Variants in DACH1 observed in about 807,000 individuals in gnomAD.
DACH1 encodes the protein dachshund homolog 1.
Under a neutral mutation model 54.2 loss-of-function variants are expected in DACH1, and 12 were observed. The observed-to-expected ratio is 0.22, with a 90% CI of 0.14 to 0.36. The LOEUF is 0.36. Ranked by LOEUF, DACH1 falls within the 10% of genes least tolerant of loss-of-function variation. The pLI, the probability that DACH1 is intolerant of heterozygous loss-of-function variation, is 1.00. For missense variants in DACH1, 805 were observed against 929.8 expected, an observed-to-expected ratio of 0.87 and a Z score of 1.75; for synonymous variants, 386 against 366.2, an observed-to-expected ratio of 1.05 and a Z score of -0.62.
intron 1 of DACH1, among the ~76,000 whole-genome samples, chr13:71,762,413 G>A (rs1885436190): frequency 6.6e-6 from 1 of 152,072 alleles, no homozygotes; most frequent in African/African-American, 2.4e-5. Flanking sequence ...TCACATATGA[G>A]TAAGTGATAT....
At chr13:71,573,561 C>T (rs753139227) in intron 3 of DACH1, 5 of 583,982 alleles carry the variant, frequency 8.6e-6, no homozygotes, top group South Asian at 4.4e-5. Flanking sequence ...ATCCCAGGAA[C>T]CATCACTGCT....
intron 1 of DACH1, among the ~76,000 whole-genome samples, chr13:71,690,736 A>T (rs1203675265): frequency 6.6e-6 from 1 of 152,140 alleles, no homozygotes; most frequent in Non-Finnish European, 1.5e-5. Context: ...GTTCAAGACC[A>T]GCCTGGACAA....
At chr13:71,780,758 A>C (rs1886336545) in intron 1 of DACH1, among the ~76,000 whole-genome samples, 1 of 152,136 alleles carries the variant, frequency 6.6e-6, no homozygotes, top group African/African-American at 2.4e-5. Flanking sequence ...TAAAAGTGAA[A>C]TCACTTTCTT....
chr13:71,611,448 T>C (rs1352815461), intron 3 of DACH1, among the ~76,000 whole-genome samples: 1 of 152,236 alleles, frequency 6.6e-6, no homozygotes, highest in Non-Finnish European at 1.5e-5. Context: ...TTAGTATTAA[T>C]AGCGGAATAG....
chr13:71,471,308 C>T, intron 10 of DACH1, among the ~76,000 whole-genome samples: 1 of 151,480 alleles, frequency 6.6e-6, no homozygotes, highest in East Asian at 1.9e-4. Flanking sequence ...GAAAGGCAGG[C>T]TTGGGGAGAG....
intron 6 of DACH1, among the ~76,000 whole-genome samples, chr13:71,498,999 T>C (rs1879676246): frequency 6.6e-6 from 1 of 152,048 alleles, no homozygotes; most frequent in Non-Finnish European, 1.5e-5. Flanking sequence ...GAGACAAAAC[T>C]TGAGAACTCG....
intron 2 of DACH1, among the ~76,000 whole-genome samples, chr13:71,661,013 A>C (rs569082265): frequency 6.7e-6 from 1 of 149,674 alleles, no homozygotes; most frequent in Non-Finnish European, 1.5e-5. Context: ...ACATTGTTAT[A>C]GAAAAAGATT....
At chr13:71,605,044 T>A (rs909462520) in intron 3 of DACH1, among the ~76,000 whole-genome samples, 5 of 152,074 alleles carry the variant, frequency 3.3e-5, no homozygotes, top group East Asian at 3.9e-4. Flanking sequence ...AAAATCACTA[T>A]AGATGCAGTT....
chr13:71,740,323 A>C (rs185301978), intron 1 of DACH1, among the ~76,000 whole-genome samples: 17 of 152,288 alleles, frequency 1.1e-4, no homozygotes, highest in East Asian at 3.9e-4. Context: ...CAAAACAAAA[A>C]AAAAATTACA....
chr13:71,759,910 G>A (rs970485667), intron 1 of DACH1, among the ~76,000 whole-genome samples: 2 of 152,058 alleles, frequency 1.3e-5, no homozygotes, highest in African/African-American at 2.4e-5. Context: ...GAAGAAATGG[G>A]GAAAAAATGA....
chr13:71,640,183 T>G (rs1338197877), intron 2 of DACH1, among the ~76,000 whole-genome samples: 1 of 152,032 alleles, frequency 6.6e-6, no homozygotes, highest in African/African-American at 2.4e-5. Context: ...CTATGGAGTC[T>G]TTGAAACAGA....
At chr13:71,790,552 A>T (rs1244419057) in intron 1 of DACH1, among the ~76,000 whole-genome samples, 2 of 152,202 alleles carry the variant, frequency 1.3e-5, no homozygotes, top group Non-Finnish European at 2.9e-5. Context: ...TTCTAAAATT[A>T]TGTGATATAC....
rs1449445312 is a variant in DACH1, at chr13:71,475,204, G to A, written c.2020C>T (p.Leu674=). The change falls in exon 10 of 11, where the codon CTG becomes TTG. Residue 674 remains leucine, a synonymous_variant. Transcript: ENST00000613252. ...TDSLRVLNDS[L]TPEIEADRSG... The stretch of plus-strand genomic sequence containing the variant: ...CGGTCAGCCTCTATCTCTGGGGTCA[G>A]AGAGTCTAAAAGCACAGAAAGGTAA... The A allele has an allele frequency of 6.2e-7, 1 of 1,613,650 alleles. No individual in the cohort carries two copies. Among genetic ancestry groups the A allele is most frequent in the East Asian group, 2.2e-5 (1 of 44,870 alleles).
chr13:71,695,809 T>C (rs761080791), intron 1 of DACH1, among the ~76,000 whole-genome samples: 1 of 152,212 alleles, frequency 6.6e-6, no homozygotes, highest in Non-Finnish European at 1.5e-5. Context: ...CAAATTGTGT[T>C]TGTTCAGTAG....
At chr13:71,834,505 A>G (rs1399516845) in intron 1 of DACH1, among the ~76,000 whole-genome samples, 1 of 152,048 alleles carries the variant, frequency 6.6e-6, no homozygotes, top group Non-Finnish European at 1.5e-5. Context: ...ATTATGGGAC[A>G]TTATTTCTGG....
intron 4 of DACH1, among the ~76,000 whole-genome samples, chr13:71,560,532 G>A (rs1884519040): frequency 1.3e-5 from 2 of 152,028 alleles, no homozygotes; most frequent in African/African-American, 4.8e-5. Context: ...AATTCTCAGA[G>A]TACCTACCAC....
At chr13:71,644,984 A>G (rs977712820) in intron 2 of DACH1, among the ~76,000 whole-genome samples, 1 of 152,236 alleles carries the variant, frequency 6.6e-6, no homozygotes, top group Non-Finnish European at 1.5e-5. Flanking sequence ...AATGGAAAAA[A>G]AAAATCAAGT....
chr13:71,803,962 T>C (rs140295418), intron 1 of DACH1, among the ~76,000 whole-genome samples: 13 of 152,310 alleles, frequency 8.5e-5, no homozygotes, highest in African/African-American at 3.1e-4. Flanking sequence ...AATTAGGTAC[T>C]ATGCTGAGAA....
At chr13:71,731,535 G>A (rs1883748710) in intron 1 of DACH1, among the ~76,000 whole-genome samples, 1 of 152,014 alleles carries the variant, frequency 6.6e-6, no homozygotes, top group African/African-American at 2.4e-5. Context: ...GACCCGCCTC[G>A]GCCTCCCAAA....
Sources: allele counts gnomAD v4.1 joint callset (sites outside exome capture counted in the v4.1 genomes callset), GRCh38; gene constraint gnomAD v4.1.1; transcripts MANE v1.5; gene names NCBI Gene and HGNC (gene_info 2026-07-23, HGNC 2026-07-21).